The following APLF variants were observed in gnomAD, a reference collection of about 807,000 sequenced individuals.
APLF encodes aprataxin and PNKP like factor, also known as aprataxin and PNK-like factor.
A neutral mutation model predicts 55.6 loss-of-function variants in APLF; 61 were observed. That is an observed-to-expected ratio of 1.10 (90% CI 0.89 to 1.36). The LOEUF (loss-of-function observed/expected upper bound fraction) is 1.36. APLF is among the 40% of genes most tolerant of loss of function. The pLI, the probability that APLF is intolerant of heterozygous loss-of-function variation, is 0.00. For missense variants in APLF, 611 were observed against 602.5 expected (o/e 1.01, Z -0.15); for synonymous variants, 207 against 214.8 (o/e 0.96, Z 0.32).
intron 2 of APLF, among the ~76,000 whole-genome samples, chr2:68,494,751 G>A (rs1252292277): frequency 6.6e-6 from 1 of 152,156 alleles, no homozygotes; most frequent in East Asian, 1.9e-4. Flanking sequence ...AGAACATGCA[G>A]TGTTTGGTTT....
chr2:68,548,317 A>G (rs1670762441), intron 8 of APLF, among the ~76,000 whole-genome samples: 1 of 152,002 alleles, frequency 6.6e-6, no homozygotes, highest in Non-Finnish European at 1.5e-5. Context: ...AACAAAGCAC[A>G]CAGTAAGAAA....
intron 2 of APLF, among the ~76,000 whole-genome samples, chr2:68,496,580 C>T (rs1676555696): frequency 6.6e-6 from 1 of 152,194 alleles, no homozygotes; most frequent in African/African-American, 2.4e-5. Flanking sequence ...TAAGTCATTT[C>T]TTTGCTTATG....
At chr2:68,475,810 T>G (rs1245135206) in intron 1 of APLF, among the ~76,000 whole-genome samples, 1 of 152,140 alleles carries the variant, frequency 6.6e-6, no homozygotes, top group Non-Finnish European at 1.5e-5. Flanking sequence ...ACTGGGAAGA[T>G]ATCTAGATAA....
intron 5 of APLF, among the ~76,000 whole-genome samples, chr2:68,522,677 A>T (rs1290851058): frequency 6.6e-6 from 1 of 151,990 alleles, no homozygotes; most frequent in Non-Finnish European, 1.5e-5. Flanking sequence ...AGGAAAAAAA[A>T]GAAGAATGAA....
At chr2:68,477,935 A>G (rs1053455387) in intron 1 of APLF, among the ~76,000 whole-genome samples, 3 of 152,042 alleles carry the variant, frequency 2.0e-5, no homozygotes, top group Non-Finnish European at 4.4e-5. Flanking sequence ...CACCCTTGAC[A>G]TGTGGGATTG....
chr2:68,513,910 A>G (rs1266181316), intron 5 of APLF, among the ~76,000 whole-genome samples: 2 of 151,738 alleles, frequency 1.3e-5, no homozygotes, highest in African/African-American at 2.4e-5. Context: ...AACAAGTGCT[A>G]TTATGTGCTA....
At position 68,567,355 on chromosome 2, in the gene APLF, A is replaced by C. The variant is rs1274001987; in HGVS notation, c.1301A>C (p.His434Pro). The C allele has an allele frequency of 6.2e-7, 1 of 1,605,814 alleles. No homozygotes were observed. Residue 434 changes from histidine (H) to proline (P), a missense_variant, in exon 9 of 10, where the codon CAC becomes CCC. Coordinates refer to ENST00000303795, the MANE Select transcript of APLF (RefSeq NM_173545.3). ...TCTTCTTTCAGGAAGAATCCCCAGC[A>C]CAAGATAGAATATAGACATAATACG... ...GPSCYRKNPQ[H>P]KIEYRHNTLP...
At chr2:68,565,002 G>T (rs1367312359) in intron 8 of APLF, among the ~76,000 whole-genome samples, 3 of 151,972 alleles carry the variant, frequency 2.0e-5, no homozygotes, top group Non-Finnish European at 4.4e-5. Flanking sequence ...CATTTTCTCA[G>T]CTTTGTTACC....
chr2:68,487,639 GTGATA>G (rs1304215744), intron 1 of APLF, among the ~76,000 whole-genome samples: 1 of 152,142 alleles, frequency 6.6e-6, no homozygotes, highest in African/African-American at 2.4e-5. Flanking sequence ...ATAAGGAGCA[GTGATA>G]GGCTGTTAAA....
At chr2:68,547,552 T>C (rs113487610) in intron 8 of APLF, among the ~76,000 whole-genome samples, 2,094 of 151,778 alleles carry the variant, frequency 0.014, 40 homozygotes, top group African/African-American at 0.046. Context: ...GGCTTATATA[T>C]GTAAGGTGAC....
At chr2:68,521,284 G>GGTGACAGTTTGACTCA (rs1366371244) in intron 5 of APLF, among the ~76,000 whole-genome samples, 20 of 151,556 alleles carry the variant, frequency 1.3e-4, no homozygotes, top group Admixed American at 9.2e-4. Flanking sequence ...GTTGGCAAAT[G>GGTGACAGTTTGACTCA]GTGACAGTTT....
At chr2:68,473,424 T>C (rs560084469) in intron 1 of APLF, among the ~76,000 whole-genome samples, 1 of 152,342 alleles carries the variant, frequency 6.6e-6, no homozygotes, top group Admixed American at 6.5e-5. Flanking sequence ...CTTGGTTGCT[T>C]TCAAGTTTTA....
intron 9 of APLF, among the ~76,000 whole-genome samples, chr2:68,576,660 TATAA>T (rs1671633939): frequency 1.3e-5 from 2 of 152,170 alleles, no homozygotes; most frequent in African/African-American, 4.8e-5. Context: ...TTAAGAAAAA[TATAA>T]ATATATTGGG....
intron 1 of APLF, among the ~76,000 whole-genome samples, chr2:68,476,024 T>C (rs1426166957): frequency 6.6e-6 from 1 of 151,988 alleles, no homozygotes; most frequent in Admixed American, 6.6e-5. Context: ...AATCCTATAC[T>C]AGATGACTTT....
chr2:68,566,555 A>G (rs1481446840), intron 8 of APLF, among the ~76,000 whole-genome samples: 1 of 152,100 alleles, frequency 6.6e-6, no homozygotes, highest in East Asian at 1.9e-4. Context: ...GTATATTCGA[A>G]AGTTGTCACC....
At chr2:68,510,728 T>A (rs1227526891) in intron 3 of APLF, among the ~76,000 whole-genome samples, 1 of 151,870 alleles carries the variant, frequency 6.6e-6, no homozygotes, top group South Asian at 2.1e-4. Context: ...TACATAGATG[T>A]TCACAGCAGC....
intron 8 of APLF, among the ~76,000 whole-genome samples, chr2:68,560,026 CA>C (rs1381096289): frequency 2.0e-5 from 3 of 152,196 alleles, no homozygotes; most frequent in African/African-American, 7.2e-5. Context: ...AGGGCCTCAG[CA>C]AATATAAAGA....
At chr2:68,541,953 T>G (rs1670564602) in intron 7 of APLF, among the ~76,000 whole-genome samples, 1 of 151,962 alleles carries the variant, frequency 6.6e-6, no homozygotes, top group East Asian at 1.9e-4. Flanking sequence ...TATAGACAAA[T>G]GGAATAGACT....
At chr2:68,475,730 C>CCT (rs750067597) in intron 1 of APLF, among the ~76,000 whole-genome samples, 1 of 152,086 alleles carries the variant, frequency 6.6e-6, no homozygotes, top group Admixed American at 6.5e-5. Context: ...ATAAGACCGA[C>CCT]CTCTTATCAA....
Sources: gnomAD v4.1 joint callset for allele counts (sites outside exome capture counted in the v4.1 genomes callset) on GRCh38, gnomAD v4.1.1 for gene constraint, MANE v1.5 for transcripts, NCBI Gene and HGNC (gene_info 2026-07-23, HGNC 2026-07-21) for gene names.